The following KIF5A variants were observed in gnomAD, a reference collection of about 807,000 sequenced individuals.
KIF5A encodes the protein kinesin heavy chain isoform 5A.
KIF5A carries 35 observed loss-of-function variants against 141.3 expected under a neutral mutation model. The ratio of observed to expected loss-of-function variants is 0.25; its 90% CI spans 0.19 to 0.33. The LOEUF (loss-of-function observed/expected upper bound fraction) is 0.33, where lower values mean the gene tolerates loss of function less well. Among genes scored for constraint, KIF5A ranks in the 10% least tolerant of loss-of-function variants. KIF5A has a pLI of 1.00. For synonymous variants in KIF5A, 448 were observed against 500.2 expected (o/e 0.90, Z 1.39); for missense variants, 861 against 1,314.3 (o/e 0.66, Z 5.33).
At chr12:57,567,000 C>G in intron 6 of KIF5A, 126 bp from the exon 7 acceptor site, 1 of 369,514 alleles carries the variant, frequency 2.7e-6, no homozygotes, top group Non-Finnish European at 4.9e-6. Context: ...AGATTCTTGA[C>G]ACTGCACTCC....
chr12:57,578,439 C>G, intron 23 of KIF5A, 97 bp downstream of exon 23: 3 of 818,734 alleles, frequency 3.7e-6, no homozygotes, highest in South Asian at 2.8e-5. Flanking sequence ...AATCTAGTTG[C>G]ATGTTTTCCT....
At chr12:57,551,872 GTCTCTC>G (rs57562029) in intron 1 of KIF5A, among the ~76,000 whole-genome samples, 52,689 of 145,636 alleles carry the variant, frequency 0.36, 9,659 homozygotes, top group East Asian at 0.47. Flanking sequence ...GATGCTTTTG[GTCTCTC>G]TCTCTCTCTC....
At chr12:57,582,405 T>G (rs1048491808) in intron 26 of KIF5A, among the ~76,000 whole-genome samples, 197 bp from the exon 27 acceptor site, 1 of 152,068 alleles carries the variant, frequency 6.6e-6, no homozygotes, top group Non-Finnish European at 1.5e-5. Flanking sequence ...TCCCTTTTCC[T>G]CTCCTTGGTG....
chr12:57,564,104 C>G lies in KIF5A; in HGVS notation c.292-4C>G, dbSNP rs760970894. On this transcript the variant is annotated splice_region_variant and splice_polypyrimidine_tract_variant and intron_variant, in intron 3 of 28. Transcript: ENST00000455537. ...CTTCACTCTCAAATACCTTCACTCG[C>G]CAGGGAAAGCTGCACGACCCTCAGC... The G allele has an allele frequency of 2.5e-6, 4 of 1,611,468 alleles. No homozygotes were observed. The East Asian group carries it at 8.9e-5, about 36-fold the overall frequency.
intron 12 of KIF5A, 109 bp from the exon 13 acceptor site, chr12:57,571,212 T>C: frequency 2.6e-6 from 2 of 761,588 alleles, no homozygotes; most frequent in Non-Finnish European, 2.4e-6. Context: ...ACTCAAAGCT[T>C]ATACTATCTG....
At position 57,583,191 on chromosome 12, in the gene KIF5A, C is replaced by T. The variant is rs746379608; in HGVS notation, c.*12C>T. 1.2e-6 allele frequency: 2 copies of T among 1,611,834 alleles called. No individual in the cohort carries two copies. Among genetic ancestry groups the T allele is most frequent in the African/African-American group, 1.3e-5 (1 of 74,992 alleles). ...CAGCAGCCAGCTAATCTCCCACACC[C>T]ACGGCTGCATACCTGCACTTTCAGG... On this transcript the variant is annotated 3_prime_UTR_variant, in exon 28 of 29. Coordinates refer to ENST00000455537, the MANE Select transcript of KIF5A (RefSeq NM_004984.4).
At chr12:57,553,040 T>A (rs140297417) in intron 1 of KIF5A, among the ~76,000 whole-genome samples, 2 of 152,052 alleles carry the variant, frequency 1.3e-5, no homozygotes, top group African/African-American at 4.8e-5. Context: ...ATGGCCTGAG[T>A]CATAGCAGAA....
In KIF5A at chr12:57,569,351, A is replaced by T; in HGVS notation, c.915A>T (p.Ser305=). Residue 305 remains serine (S), a synonymous_variant, in exon 10 of 29, where the codon TCA becomes TCT. Transcript: ENST00000455537. ...NCRTTMFICC[S]PSSYNDAETK... is the part of the protein sequence containing the mutation. Reference sequence around the variant, plus strand: ...GGACGACTATGTTCATCTGTTGCTCACCATCCAGTTATAATGATGCAGAGA... The same window carrying T: ...GGACGACTATGTTCATCTGTTGCTCTCCATCCAGTTATAATGATGCAGAGA... 1 of 1,613,916 alleles carries T rather than the reference A, an allele frequency of 6.2e-7. No individual in the cohort carries two copies.
Position 57,576,333 on chromosome 12 carries a change from G to T in KIF5A, c.2153G>T (p.Arg718Leu), listed in dbSNP as rs1162438120. 1 of 1,613,884 alleles carries T rather than the reference G, an allele frequency of 6.2e-7. No individual in the cohort carries two copies. The highest frequency in any genetic ancestry group is 8.5e-7 in the Non-Finnish European group (1 of 1,179,930). Residue 718 changes from arginine (R) to leucine (L), a missense_variant, in exon 19 of 29, where the codon CGG (arginine) becomes CTG (leucine). Coordinates refer to ENST00000455537, the MANE Select transcript of KIF5A (RefSeq NM_004984.4). ...CATCACCGGCAGCTGGCCCGGCTCC[G>T]GGACGAGATCAACGAGAAGCAGAAG... is the stretch of plus-strand genomic sequence containing the variant. ...EAHHRQLARL[R>L]DEINEKQKTI...
rs1459944568 is a variant in KIF5A, at chr12:57,585,003, C to A, written c.*822C>A. 6.6e-6 allele frequency: 1 copy of A among 152,242 alleles called. No homozygotes were observed. The highest frequency in any genetic ancestry group is 1.5e-5 in the Non-Finnish European group (1 of 68,060). 9.4% of individuals were successfully genotyped at this position (152,242 alleles called of 1,614,324 possible). On this transcript the variant is annotated 3_prime_UTR_variant, in exon 29 of 29. Coordinates refer to ENST00000455537, the MANE Select transcript of KIF5A (RefSeq NM_004984.4). ...AATGGAGGAGGCAGACTGCTCCCAG[C>A]AGCCTGTCAATGGCTGCTCATCTGT...
At position 57,564,089 on chromosome 12, in the gene KIF5A, A is replaced by T; in HGVS notation, c.292-19A>T. The T allele has an allele frequency of 6.3e-7, 1 of 1,592,360 alleles. No homozygotes were observed. Among genetic ancestry groups the T allele is most frequent in the Non-Finnish European group, 8.6e-7 (1 of 1,160,438 alleles). On this transcript the variant is annotated intron_variant, in intron 3 of 28. Coordinates refer to ENST00000455537, the MANE Select transcript of KIF5A (RefSeq NM_004984.4). ...CTCCCTGAGCCCCAGCTTCACTCTC[A>T]AATACCTTCACTCGCCAGGGAAAGC...
intron 23 of KIF5A, 32 bp from the exon 24 acceptor site, chr12:57,580,924 T>C (rs1882576048): frequency 6.2e-7 from 1 of 1,610,152 alleles, no homozygotes; most frequent in Non-Finnish European, 8.5e-7. Flanking sequence ...CTTGCCTTCC[T>C]TTCCACTTCT....
At chr12:57,565,009 T>C (rs373926336) in intron 6 of KIF5A, 36 bp downstream of exon 6, 5 of 1,594,606 alleles carry the variant, frequency 3.1e-6, no homozygotes, top group East Asian at 2.2e-5. Context: ...GTGGGGCCAG[T>C]GTATTGAGAA....
rs1414145662 is a variant in KIF5A, at chr12:57,567,488, C to T, written c.590-6C>T. The stretch of plus-strand genomic sequence containing the variant: ...TGCAGGTCCTGTTTCTCCCTTGCTC[C>T]TGCAGACATGAATGAACACAGCTCT... On this transcript the variant is annotated splice_region_variant and splice_polypyrimidine_tract_variant and intron_variant, in intron 7 of 28. Transcript: ENST00000455537. 1 of 1,612,846 alleles carries T rather than the reference C, an allele frequency of 6.2e-7. No homozygotes were observed. The highest frequency in any genetic ancestry group is 1.3e-5 in the African/African-American group (1 of 74,850).
chr12:57,572,093 G>A lies in KIF5A; in HGVS notation c.1395G>A (p.Lys465=), dbSNP rs1197765347. ...TGTCCACCCGAGGAGACAACGAGAA[G>A]GTCCAGCGGGAGCTGAGCCACCTGC... The part of the protein sequence containing the change: ...LLVSTRGDNE[K]VQRELSHLQS... Residue 465 remains lysine (K), a synonymous_variant, in exon 14 of 29, where the codon AAG becomes AAA. Coordinates refer to ENST00000455537, the MANE Select transcript of KIF5A (RefSeq NM_004984.4). The surrounding 1 kb of genome is among the most constrained non-coding windows in gnomAD (Gnocchi z 4.2). The A allele has an allele frequency of 6.2e-7, 1 of 1,613,956 alleles. No individual in the cohort carries two copies. Among genetic ancestry groups the A allele is most frequent in the Non-Finnish European group, 8.5e-7 (1 of 1,180,038 alleles).
chr12:57,569,839 A>T, intron 11 of KIF5A, 148 bp from the exon 12 acceptor site: 3 of 1,381,470 alleles, frequency 2.2e-6, no homozygotes, highest in Non-Finnish European at 2.9e-6. Flanking sequence ...GGGGGAAGGG[A>T]GGGGCCTGAC....
At chr12:57,558,543 G>A (rs1158672765) in intron 1 of KIF5A, among the ~76,000 whole-genome samples, 7 of 152,152 alleles carry the variant, frequency 4.6e-5, no homozygotes, top group Non-Finnish European at 8.8e-5. Context: ...GTGTGGTGGC[G>A]GGCGCCTATA....
chr12:57,563,551 C>A, intron 2 of KIF5A, 25 bp downstream of exon 2: 1 of 1,606,726 alleles, frequency 6.2e-7, no homozygotes, highest in Non-Finnish European at 8.5e-7. Context: ...TTTAGAATGT[C>A]TCTTCTCAGC....
chr12:57,560,528 T>C (rs1881877517), intron 1 of KIF5A, among the ~76,000 whole-genome samples: 1 of 152,218 alleles, frequency 6.6e-6, no homozygotes, highest in South Asian at 2.1e-4. Flanking sequence ...GGTATTACAA[T>C]GCAAATTTTG....
Sources: allele counts gnomAD v4.1 joint callset (sites outside exome capture counted in the v4.1 genomes callset), GRCh38; gene constraint gnomAD v4.1.1; non-coding constraint Gnocchi (gnomAD v3.1); transcripts MANE v1.5; gene names NCBI Gene and HGNC (gene_info 2026-07-23, HGNC 2026-07-21).